Variants in IL13RA1 observed in about 807,000 individuals in gnomAD.
IL13RA1 encodes the protein interleukin 13 receptor subunit alpha 1.
In IL13RA1, 14 loss-of-function variants were observed where a neutral mutation model predicts 33.8. The observed-to-expected ratio is 0.41, with a 90% CI of 0.27 to 0.65. IL13RA1 has a LOEUF of 0.65. IL13RA1 is among the 30% of genes least tolerant of loss of function. The pLI, the probability that IL13RA1 is intolerant of heterozygous loss-of-function variation, is 0.28. For missense variants in IL13RA1, 313 were observed against 327.0 expected, an observed-to-expected ratio of 0.96 and a Z score of 0.33; for synonymous variants, 116 against 115.7, an observed-to-expected ratio of 1.00 and a Z score of -0.02.
chrX:118,757,314 T>C (rs753020016), intron 4 of IL13RA1, among the ~76,000 whole-genome samples: 17 of 110,584 alleles, frequency 1.5e-4, no homozygotes, highest in African/African-American at 4.9e-4. Flanking sequence ...GGTGGATCAC[T>C]TGTGGTCAGG....
At chrX:118,765,247 G>A (rs929319294) in intron 6 of IL13RA1, among the ~76,000 whole-genome samples, 1 of 107,826 alleles carries the variant, frequency 9.3e-6, no homozygotes, top group African/African-American at 3.5e-5. Context: ...ACAGGCACAT[G>A]CCATCAAGCC....
At chrX:118,800,292 C>G in the IL13RA1 span, among the ~76,000 whole-genome samples, 1 of 110,245 alleles carries the variant, frequency 9.1e-6, no homozygotes, top group African/African-American at 3.3e-5. Context: ...CCTTCCACTT[C>G]TTTCACTCTT....
intron 8 of IL13RA1, among the ~76,000 whole-genome samples, chrX:118,769,499 A>G (rs1416614984): frequency 8.9e-6 from 1 of 112,462 alleles, no homozygotes; most frequent in African/African-American, 3.2e-5. Flanking sequence ...AGCATGCAAA[A>G]CCACCTAGTG....
downstream of IL13RA1, among the ~76,000 whole-genome samples, chrX:118,797,461 T>C (rs764646252): frequency 8.9e-6 from 1 of 111,834 alleles, no homozygotes; most frequent in South Asian, 3.7e-4. Flanking sequence ...TTAATATGCA[T>C]GTATGATACT....
intron 8 of IL13RA1, among the ~76,000 whole-genome samples, chrX:118,771,332 G>A (rs1373049845): frequency 8.9e-6 from 1 of 112,291 alleles, no homozygotes; most frequent in Non-Finnish European, 1.9e-5. Flanking sequence ...GGGATGGAGA[G>A]TGAGACCCAC....
At chrX:118,791,557 A>G (rs1006063170) in intron 10 of IL13RA1, among the ~76,000 whole-genome samples, 1 of 108,625 alleles carries the variant, frequency 9.2e-6, no homozygotes, top group Non-Finnish European at 1.9e-5. Flanking sequence ...TCCCACCTCC[A>G]TTTAATATTA....
chrX:118,770,071 C>G, intron 8 of IL13RA1: 2 of 253,758 alleles, frequency 7.9e-6, no homozygotes, highest in South Asian at 7.6e-5. Flanking sequence ...TCTGCTCATG[C>G]GCCTGGTACT....
At chrX:118,760,123 A>G (rs1310078135) in intron 5 of IL13RA1, among the ~76,000 whole-genome samples, 1 of 112,168 alleles carries the variant, frequency 8.9e-6, no homozygotes, top group Non-Finnish European at 1.9e-5. Context: ...AGTGTTAAGT[A>G]TATTCACATT....
chrX:118,770,201 G>A (rs2017698113), intron 8 of IL13RA1: 4 of 287,695 alleles, frequency 1.4e-5, no homozygotes, highest in South Asian at 1.3e-4. Flanking sequence ...GGGCTGCCCA[G>A]CACGCTGCAC....
chrX:118,768,193 A>G (rs892331768), intron 8 of IL13RA1, among the ~76,000 whole-genome samples: 4 of 112,360 alleles, frequency 3.6e-5, no homozygotes, highest in Non-Finnish European at 7.5e-5. Flanking sequence ...GAGGTAGCCA[A>G]TTCCCTATTA....
the IL13RA1 span, among the ~76,000 whole-genome samples, chrX:118,799,584 T>C: frequency 1.8e-5 from 2 of 111,163 alleles, no homozygotes; most frequent in East Asian, 2.8e-4. Flanking sequence ...AGCTCAGGGA[T>C]TGTAAACACA....
rs1270221311 is a variant in IL13RA1 at position 118,774,042 on chromosome X, G to C, written c.1106+67G>C. The stretch of plus-strand genomic sequence containing the variant: ...CTGTTTGCTGTGGTTATTACTTTTA[G>C]TGCTTGTGTTTTATGTCTGCCCAGT... On this transcript the variant is annotated intron_variant, in intron 9 of 10. Transcript: ENST00000371666. 5.3e-6 allele frequency: 3 copies of C among 562,399 alleles called. No homozygotes were observed. In the African/African-American group the frequency reaches 6.8e-5, roughly 13 times the overall value. 46.3% of individuals were successfully genotyped at this position (562,399 alleles called of 1,213,427 possible). A position where few individuals can be genotyped will look rare whatever the true frequency, so the allele number is the denominator to read the frequency against.
chrX:118,796,174 G>A (rs1025480748), downstream of IL13RA1, among the ~76,000 whole-genome samples: 2 of 112,325 alleles, frequency 1.8e-5, no homozygotes, highest in African/African-American at 6.5e-5. Flanking sequence ...AAAATTAATA[G>A]TTTCTGAGTG....
At chrX:118,748,005 T>TTTGTG (rs369385798) in intron 3 of IL13RA1, among the ~76,000 whole-genome samples, 3 of 88,877 alleles carry the variant, frequency 3.4e-5, no homozygotes, top group African/African-American at 8.4e-5. Flanking sequence ...AGAGTGAATG[T>TTTGTG]TGTGTGTGTG....
chrX:118,746,708 T>C (rs1245221663), intron 2 of IL13RA1, among the ~76,000 whole-genome samples: 4 of 110,239 alleles, frequency 3.6e-5, no homozygotes, highest in Non-Finnish European at 3.8e-5. Context: ...AGCAGCGTCC[T>C]TGACCTCTAC....
chrX:118,803,581 C>A, the IL13RA1 span, among the ~76,000 whole-genome samples: 1 of 112,038 alleles, frequency 8.9e-6, no homozygotes, highest in Non-Finnish European at 1.9e-5. Context: ...TACATTTCCC[C>A]AATTGTCTCA....
intron 8 of IL13RA1, chrX:118,770,504 A>G (rs760068620): frequency 1.2e-5 from 6 of 520,291 alleles, no homozygotes; most frequent in Non-Finnish European, 1.7e-5. Flanking sequence ...CCCATCCCCA[A>G]CAACAACGGC....
At chrX:118,795,227 A>AAAAAAAAAAAAAAAAAAAAAAAAAG (rs200347606), downstream of IL13RA1, among the ~76,000 whole-genome samples, 1 of 95,006 alleles carries the variant, frequency 1.1e-5, no homozygotes, top group African/African-American at 4.8e-5. Context: ...AAAAAAAAAA[A>AAAAAAAAAAAAAAAAAAAAAAAAAG]AAAGAAAAAG....
chrX:118,781,651 C>T (rs888361306), intron 10 of IL13RA1, among the ~76,000 whole-genome samples: 1 of 112,903 alleles, frequency 8.9e-6, no homozygotes, highest in African/African-American at 3.2e-5. Flanking sequence ...CACGCCCAGC[C>T]TCAATATTTA....
Sources: gnomAD v4.1 joint callset for allele counts (sites outside exome capture counted in the v4.1 genomes callset) on GRCh38, gnomAD v4.1.1 for gene constraint, MANE v1.5 for transcripts, NCBI Gene and HGNC (gene_info 2026-07-23, HGNC 2026-07-21) for gene names.